Variants in SS18L1 observed in about 807,000 individuals in gnomAD.
SS18L1 encodes calcium-responsive transactivator.
Under a neutral mutation model 70.3 loss-of-function variants are expected in SS18L1, and 32 were observed. The observed-to-expected ratio is 0.46, with a 90% confidence interval of 0.34 to 0.61. SS18L1 has a LOEUF of 0.61. Among genes scored for constraint, SS18L1 ranks in the 20% least tolerant of loss-of-function variants. The probability of loss-of-function intolerance (pLI) is 0.01; values close to 1 mark genes in which losing one functional copy is unlikely to be tolerated. For missense variants in SS18L1, 430 were observed against 542.1 expected (o/e 0.79, Z 2.05); for synonymous variants, 237 against 229.7 (o/e 1.03, Z -0.29).
At position 62,174,036 on chromosome 20, in the gene SS18L1, T is replaced by G. The variant is rs2057577644; in HGVS notation, c.1037-481T>G. ...CCTGCCTAAAAAAAAAAAAAAAAAT[T>G]GGCCTCTATCAGTTCTTGCCGGAGC... On this transcript the variant is annotated intron_variant, in intron 9 of 10. Coordinates refer to ENST00000331758, the MANE Select transcript of SS18L1 (RefSeq NM_198935.3). This position sits in a 1 kb window ranked among gnomAD's most constrained non-coding sequence, Gnocchi z 4.1. Among the ~76,000 whole-genome samples the G allele has an allele frequency of 6.6e-6, 1 of 150,876 alleles. No homozygotes were observed. Among genetic ancestry groups the G allele is most frequent in the Admixed American group, 6.6e-5 (1 of 15,172 alleles).
In SS18L1 at chr20:62,164,779, G is replaced by A. The variant is rs148942632; in HGVS notation, c.823+533G>A. On this transcript the variant is annotated intron_variant, in intron 7 of 10. Transcript: ENST00000331758. The stretch of plus-strand genomic sequence containing the variant: ...AACAGCGGTTCACACCTGTCATTCC[G>A]GCACTTTGGGAGGCTGAGGCAGGAG... Among the ~76,000 whole-genome samples, 21 of 152,288 alleles carry A rather than the reference G, an allele frequency of 1.4e-4. No individual in the cohort carries two copies. In the East Asian group the frequency reaches 3.7e-3, roughly 27 times the overall value.
rs1322579822 is a variant in SS18L1, at chr20:62,167,039, T to TTG, written c.916+1526_916+1527insGT. 3.5e-4 allele frequency among the ~76,000 whole-genome samples: 44 copies of TTG among 125,108 alleles called. 1 individual carries two copies. The highest frequency in any genetic ancestry group is 1.7e-3 in the African/African-American group (41 of 24,604). The allele number at this position is 125,108 out of a possible 152,430, so 82.1% of individuals were successfully genotyped here. A position where few individuals can be genotyped will look rare whatever the true frequency, so the allele number is the denominator to read the frequency against. ...AGGATTGCTTGAGCTCAGGAGTTTG[T>TTG]TTGTTTTTTTTTTTTTTTTTTTTTG... On this transcript the variant is annotated intron_variant, in intron 8 of 10. Coordinates refer to ENST00000331758, the MANE Select transcript of SS18L1 (RefSeq NM_198935.3).
chr20:62,163,006 TGTG>T lies in SS18L1; in HGVS notation c.556+78_556+80del. On this transcript the variant is annotated intron_variant, in intron 5 of 10. Transcript: ENST00000331758. ...ACCCTTGACACATGCACGTTGGACATGTGGTCCCGGGGAAGCTGCCCTCCTGCT... is the reference window on the plus strand; with the variant it reads ...ACCCTTGACACATGCACGTTGGACATGTCCCGGGGAAGCTGCCCTCCTGCT... The T allele has an allele frequency of 3.2e-6, 5 of 1,545,656 alleles. No individual in the cohort carries two copies. The East Asian group carries it at 7.2e-5, about 22-fold the overall frequency.
At position 62,161,303 on chromosome 20, in the gene SS18L1, A is replaced by G; in HGVS notation, c.232-133A>G. The stretch of plus-strand genomic sequence containing the variant: ...CACCTGGCTGTGACGATGGCTGCTG[A>G]TTACGAACATTGACCAGGTGGCCAT... On this transcript the variant is annotated intron_variant, in intron 3 of 10. Transcript: ENST00000331758. The surrounding 1 kb of genome is among the most constrained non-coding windows in gnomAD (Gnocchi z 4.4). 7.7e-7 allele frequency: 1 copy of G among 1,295,100 alleles called. No individual in the cohort carries two copies. 80.2% of individuals were successfully genotyped at this position (1,295,100 alleles called of 1,614,324 possible).
chr20:62,171,441 T>C (rs2057530335), intron 8 of SS18L1, among the ~76,000 whole-genome samples: 1 of 152,162 alleles, frequency 6.6e-6, no homozygotes, highest in African/African-American at 2.4e-5. Flanking sequence ...AGTTCAAGAC[T>C]CAAGATACTT....
At chr20:62,171,958 C>T (rs928966719) in intron 8 of SS18L1, among the ~76,000 whole-genome samples, 1 of 152,132 alleles carries the variant, frequency 6.6e-6, no homozygotes, top group Non-Finnish European at 1.5e-5. Flanking sequence ...GTCAGGAGAT[C>T]GAGACCATCC....
At chr20:62,175,730 G>A (rs6062119) in intron 10 of SS18L1, among the ~76,000 whole-genome samples, 2 of 152,180 alleles carry the variant, frequency 1.3e-5, no homozygotes, top group Non-Finnish European at 1.5e-5. Flanking sequence ...AGAGGCCAAA[G>A]ACTGTTTTTT....
intron 8 of SS18L1, among the ~76,000 whole-genome samples, chr20:62,172,210 C>A (rs1419381860): frequency 6.6e-6 from 1 of 151,598 alleles, no homozygotes; most frequent in Non-Finnish European, 1.5e-5. Flanking sequence ...CACTGTAGTC[C>A]TAGCTACTTG....
rs7263404 is a variant in SS18L1, at chr20:62,163,917, C to T, written c.722-228C>T. On this transcript the variant is annotated intron_variant, in intron 6 of 10. Coordinates refer to ENST00000331758, the MANE Select transcript of SS18L1 (RefSeq NM_198935.3). ...CTGTAGTCCGAGCACTTTGGGAGGC[C>T]GAGGTGGGCGGATCACCTGAGGCCA... 0.11 allele frequency among the ~76,000 whole-genome samples: 16,543 copies of T among 152,108 alleles called. 1,718 individuals carry two copies. The highest frequency in any genetic ancestry group is 0.27 in the African/African-American group (11,344 of 41,458).
intron 5 of SS18L1, 150 bp downstream of exon 5, chr20:62,163,081 C>CT: frequency 9.3e-7 from 1 of 1,080,488 alleles, no homozygotes; most frequent in Non-Finnish European, 1.3e-6. Context: ...GCCGCTGCCT[C>CT]TGAGAGCTTC....
intron 6 of SS18L1, among the ~76,000 whole-genome samples, chr20:62,163,940 C>G (rs912368537): frequency 1.3e-5 from 2 of 152,088 alleles, no homozygotes; most frequent in Non-Finnish European, 2.9e-5. Flanking sequence ...TCACCTGAGG[C>G]CAGGTGCTCA....
Position 62,169,501 on chromosome 20 carries a change from G to A in SS18L1, c.917-3181G>A, listed in dbSNP as rs951038662. On this transcript the variant is annotated intron_variant, in intron 8 of 10. Coordinates refer to ENST00000331758, the MANE Select transcript of SS18L1 (RefSeq NM_198935.3). ...AGTTAAATTAAACATCATTGGGGCCGGGCAGAGTGGCTCACGCCTGTAATC... is the reference window on the plus strand; with the variant it reads ...AGTTAAATTAAACATCATTGGGGCCAGGCAGAGTGGCTCACGCCTGTAATC... 6.6e-5 allele frequency among the ~76,000 whole-genome samples: 10 copies of A among 152,180 alleles called. No homozygotes were observed. The East Asian group carries it at 7.7e-4, about 12-fold the overall frequency.
intron 1 of SS18L1, among the ~76,000 whole-genome samples, chr20:62,151,098 C>T (rs113689823): frequency 3.7e-4 from 57 of 152,304 alleles, no homozygotes; most frequent in African/African-American, 1.2e-3. Context: ...TCCAGGGCCC[C>T]ACACAGGTTG....
chr20:62,164,323 G>T, intron 7 of SS18L1, 77 bp downstream of exon 7: 1 of 1,397,270 alleles, frequency 7.2e-7, no homozygotes, highest in South Asian at 1.3e-5. Flanking sequence ...GGAGGGCAAG[G>T]AGGGTGTGGC....
At chr20:62,144,078 C>A (rs2056974836) in intron 1 of SS18L1, among the ~76,000 whole-genome samples, 189 bp downstream of exon 1, 1 of 149,260 alleles carries the variant, frequency 6.7e-6, no homozygotes, top group South Asian at 2.1e-4. Flanking sequence ...GGCACCCGGC[C>A]GTGTGGGGGG....
chr20:62,153,213 C>G (rs1225774123), intron 1 of SS18L1, among the ~76,000 whole-genome samples: 1 of 152,194 alleles, frequency 6.6e-6, no homozygotes, highest in Non-Finnish European at 1.5e-5. Flanking sequence ...ATCACAAGAA[C>G]TGCATGGGGG....
chr20:62,164,068 C>T (rs1318487785), intron 6 of SS18L1, 77 bp from the exon 7 acceptor site: 7 of 1,380,614 alleles, frequency 5.1e-6, no homozygotes, highest in African/African-American at 4.3e-5. Context: ...AAGGCCTTGG[C>T]TTCCCCAGTG....
At chr20:62,152,401 C>A (rs2057150134) in intron 1 of SS18L1, among the ~76,000 whole-genome samples, 1 of 152,230 alleles carries the variant, frequency 6.6e-6, no homozygotes, top group Admixed American at 6.5e-5. Context: ...GAGTTGCCAC[C>A]TCATCTCTGT....
chr20:62,171,223 G>A (rs1013315191), intron 8 of SS18L1, among the ~76,000 whole-genome samples: 6 of 152,056 alleles, frequency 3.9e-5, no homozygotes, highest in African/African-American at 7.2e-5. Flanking sequence ...CCTTTATTAT[G>A]TAAAGAATAA....
Sources: allele counts gnomAD v4.1 joint callset (sites outside exome capture counted in the v4.1 genomes callset), GRCh38; gene constraint gnomAD v4.1.1; non-coding constraint Gnocchi (gnomAD v3.1); transcripts MANE v1.5; gene names NCBI Gene and HGNC (gene_info 2026-07-23, HGNC 2026-07-21).